SPOCK3: variants seen among roughly 807,000 people sequenced by gnomAD.
SPOCK3 encodes the protein SPARC (osteonectin), cwcv and kazal like domains proteoglycan 3.
SPOCK3 carries 30 observed loss-of-function variants against 56.6 expected under a neutral mutation model. The observed-to-expected ratio is 0.53, with a 90% CI of 0.40 to 0.72. The LOEUF (loss-of-function observed/expected upper bound fraction) is 0.72. Among genes scored for constraint, SPOCK3 ranks in the 30% least tolerant of loss-of-function variants. The pLI is 0.00. For missense variants in SPOCK3, 527 were observed against 530.0 expected, an observed-to-expected ratio of 0.99 and a Z score of 0.06; for synonymous variants, 196 against 183.3, an observed-to-expected ratio of 1.07 and a Z score of -0.56.
intron 4 of SPOCK3, among the ~76,000 whole-genome samples, chr4:166,999,418 A>G (rs1446105787): frequency 6.6e-6 from 1 of 152,104 alleles, no homozygotes; most frequent in Non-Finnish European, 1.5e-5. Context: ...AATGCTATTT[A>G]TGTTCTTATT....
chr4:166,792,586 C>A (rs962317813), intron 6 of SPOCK3, among the ~76,000 whole-genome samples: 6 of 152,000 alleles, frequency 3.9e-5, no homozygotes, highest in African/African-American at 1.4e-4. Context: ...ATATTTATGT[C>A]ATAAATACTT....
intron 6 of SPOCK3, among the ~76,000 whole-genome samples, chr4:166,817,861 T>A (rs1294735255): frequency 6.6e-6 from 1 of 152,024 alleles, no homozygotes. Flanking sequence ...ACACACATAG[T>A]TATACAGCCC....
In SPOCK3 at chr4:166,884,870, A is replaced by AACACACACAC. The variant is rs34910996; in HGVS notation, c.589+4250_589+4259dup. Among the ~76,000 whole-genome samples, 926 of 147,552 alleles carry AACACACACAC rather than the reference A, an allele frequency of 6.3e-3. 9 individuals carry two copies. The highest frequency in any genetic ancestry group is 0.021 in the African/African-American group (853 of 40,074). ...AGAAAGAAATTCCATAAACTGGTTA[A>AACACACACAC]ACACACACACACACACACACACACA... On this transcript the variant is annotated intron_variant, in intron 6 of 10. Transcript: ENST00000357545.
chr4:167,160,473 A>G (rs1219973036), intron 2 of SPOCK3, among the ~76,000 whole-genome samples: 1 of 152,164 alleles, frequency 6.6e-6, no homozygotes, highest in African/African-American at 2.4e-5. Context: ...TGCCCAAGGT[A>G]ATTTATAGAT....
intron 6 of SPOCK3, among the ~76,000 whole-genome samples, chr4:166,796,354 T>C (rs1287481298): frequency 7.2e-5 from 11 of 152,086 alleles, no homozygotes; most frequent in Admixed American, 5.2e-4. Context: ...AATACAGAGG[T>C]CCAAGCAGAG....
At chr4:166,860,725 G>A (rs1731137131) in intron 6 of SPOCK3, among the ~76,000 whole-genome samples, 1 of 146,726 alleles carries the variant, frequency 6.8e-6, no homozygotes, top group Non-Finnish European at 1.5e-5. Context: ...GGAAGAGACT[G>A]GAGGTGTTTC....
intron 2 of SPOCK3, among the ~76,000 whole-genome samples, chr4:167,226,190 A>G (rs534289278): frequency 2.0e-5 from 3 of 152,306 alleles, no homozygotes; most frequent in African/African-American, 7.2e-5. Context: ...AGCATTGGTA[A>G]GTAGATTCAG....
chr4:167,009,495 A>C (rs1749805868), intron 3 of SPOCK3, among the ~76,000 whole-genome samples: 1 of 152,204 alleles, frequency 6.6e-6, no homozygotes, highest in Non-Finnish European at 1.5e-5. Context: ...CGGTGTAAAA[A>C]AATTCAAGCT....
intron 2 of SPOCK3, among the ~76,000 whole-genome samples, chr4:167,114,793 T>C (rs1196892082): frequency 1.3e-5 from 2 of 151,980 alleles, no homozygotes; most frequent in Non-Finnish European, 2.9e-5. Flanking sequence ...CGTGTTGTGG[T>C]AAGGTGCTAT....
At chr4:167,132,723 C>G (rs561365584) in intron 2 of SPOCK3, among the ~76,000 whole-genome samples, 1 of 152,062 alleles carries the variant, frequency 6.6e-6, no homozygotes, top group Non-Finnish European at 1.5e-5. Context: ...CTCTTAGCTT[C>G]GGATAGCTGC....
At chr4:166,940,028 A>G (rs1283327002) in intron 4 of SPOCK3, among the ~76,000 whole-genome samples, 2 of 152,188 alleles carry the variant, frequency 1.3e-5, no homozygotes, top group Admixed American at 1.3e-4. Flanking sequence ...TTACTAAAGG[A>G]AAGATATTTA....
At chr4:166,771,120 C>T (rs890662272) in intron 7 of SPOCK3, among the ~76,000 whole-genome samples, 8 of 149,942 alleles carry the variant, frequency 5.3e-5, no homozygotes, top group Non-Finnish European at 1.2e-4. Flanking sequence ...TTCAAGAGCT[C>T]TCAAAGTCAC....
intron 3 of SPOCK3, among the ~76,000 whole-genome samples, chr4:167,037,338 C>T (rs13132588): frequency 0.025 from 3,802 of 151,910 alleles, 77 homozygotes; most frequent in Middle Eastern, 0.071. Context: ...AAAAATTAGC[C>T]CGGCGTGGTG....
At chr4:167,171,534 C>A (rs1272919361) in intron 2 of SPOCK3, among the ~76,000 whole-genome samples, 1 of 152,044 alleles carries the variant, frequency 6.6e-6, no homozygotes, top group Non-Finnish European at 1.5e-5. Flanking sequence ...TATTTACAAT[C>A]ATTAGATAAT....
intron 4 of SPOCK3, among the ~76,000 whole-genome samples, chr4:166,991,370 T>TTTATTTAC (rs1483256879): frequency 6.6e-6 from 1 of 150,544 alleles, no homozygotes; most frequent in Admixed American, 6.7e-5. Flanking sequence ...TATTTATTTA[T>TTTATTTAC]TTATTTATTT....
rs1560958920 is a variant in SPOCK3, at chr4:166,874,130, G to C, written c.589+15000C>G. 2.0e-5 allele frequency among the ~76,000 whole-genome samples: 3 copies of C among 152,140 alleles called. No individual in the cohort carries two copies. The East Asian group carries it at 5.8e-4, about 29-fold the overall frequency. On this transcript the variant is annotated intron_variant, in intron 6 of 10. Coordinates refer to ENST00000357545, the MANE Select transcript of SPOCK3 (RefSeq NM_001040159.2). The stretch of plus-strand genomic sequence containing the variant: ...TGGTAAAGATAATGTCTTTCTCTGG[G>C]GTAGAGGTTGTACAAGTTTGCTACT...
intron 4 of SPOCK3, among the ~76,000 whole-genome samples, chr4:166,951,752 T>G (rs527675339): frequency 7.0e-6 from 1 of 143,516 alleles, no homozygotes. Flanking sequence ...GTGGGCTTCA[T>G]CCCTGGGATG....
At chr4:167,119,813 A>G (rs1761719715) in intron 2 of SPOCK3, 1 of 1,534,482 alleles carries the variant, frequency 6.5e-7, no homozygotes, top group African/African-American at 1.4e-5. Flanking sequence ...CCCAGAAGAC[A>G]TGTGGATGTG....
chr4:166,951,195 T>A (rs1460464131), intron 4 of SPOCK3, among the ~76,000 whole-genome samples: 1 of 142,416 alleles, frequency 7.0e-6, no homozygotes, highest in Non-Finnish European at 1.5e-5. Context: ...CTAGCAAGAC[T>A]AATAAAAAAA....
Sources: gnomAD v4.1 joint callset for allele counts (sites outside exome capture counted in the v4.1 genomes callset) on GRCh38, gnomAD v4.1.1 for gene constraint, MANE v1.5 for transcripts, NCBI Gene and HGNC (gene_info 2026-07-23, HGNC 2026-07-21) for gene names.